The following EQTN variants were observed in gnomAD, a reference collection of about 807,000 sequenced individuals.
EQTN encodes equatorin.
A neutral mutation model predicts 26.9 loss-of-function variants in EQTN; 29 were observed. The ratio of observed to expected loss-of-function variants is 1.08; its 90% CI spans 0.80 to 1.47. EQTN has a LOEUF of 1.47. Among genes scored for constraint, EQTN ranks in the 40% most tolerant of loss-of-function variants. EQTN has a pLI of 0.00. For synonymous variants in EQTN, 129 were observed against 120.0 expected, an observed-to-expected ratio of 1.07 and a Z score of -0.49; for missense variants, 391 against 346.1, an observed-to-expected ratio of 1.13 and a Z score of -1.03.
intron 5 of EQTN, 77 bp downstream of exon 5, chr9:27,290,942 T>A: frequency 7.5e-7 from 1 of 1,327,006 alleles, no homozygotes; most frequent in Non-Finnish European, 1.1e-6. Flanking sequence ...ATTAGAGGTA[T>A]TTAGACTGAT....
Position 27,297,029 on chromosome 9 carries a change from T to C in EQTN, c.27A>G (p.Ile9Met). 6.2e-7 allele frequency: 1 copy of C among 1,610,528 alleles called. No individual in the cohort carries two copies. Among genetic ancestry groups the C allele is most frequent in the Non-Finnish European group, 8.5e-7 (1 of 1,177,470 alleles). The change falls in exon 1 of 8, where the codon ATA becomes ATG. Residue 9 changes from isoleucine to methionine, a missense_variant. Ile to Met is a conservative substitution (Grantham distance 10). Coordinates refer to ENST00000380032, the MANE Select transcript of EQTN (RefSeq NM_020641.3). ...TACTTTTTAAGGAAAAAACTCCAGG[T>C]ATAAAAATAAACAATATAAAATTCA... Reference protein sequence around the residue: MNFILFIFIPGVFSLKSST... With the variant: MNFILFIFMPGVFSLKSST...
In EQTN at chr9:27,291,195, TG is replaced by T. The variant is rs1215580194; in HGVS notation, c.377-133del. On this transcript the variant is annotated intron_variant, in intron 4 of 7. Coordinates refer to ENST00000380032, the MANE Select transcript of EQTN (RefSeq NM_020641.3). ...TTGAGCTCCTATAATGTGTCAGACC[TG>T]TGGTTGGCACTAACTTATAGAAGTA... 1.2e-3 allele frequency: 766 copies of T among 615,148 alleles called. 3 individuals are homozygous for T. In the African/African-American group the frequency reaches 0.027, roughly 21 times the overall value. 38.1% of individuals were successfully genotyped at this position (615,148 alleles called of 1,614,324 possible).
chr9:27,288,986 T>A (rs2131305501), intron 6 of EQTN, among the ~76,000 whole-genome samples: 1 of 152,186 alleles, frequency 6.6e-6, no homozygotes, highest in East Asian at 1.9e-4. Context: ...TAATACAGAG[T>A]GAATCCTGAT....
At position 27,291,074 on chromosome 9, in the gene EQTN, A is replaced by G. The variant is rs1820225787; in HGVS notation, c.377-11T>C. 1.2e-6 allele frequency: 2 copies of G among 1,604,532 alleles called. No homozygotes were observed. The highest frequency in any genetic ancestry group is 1.7e-6 in the Non-Finnish European group (2 of 1,175,764). ...CGTTTGGGGTTGATCCTGTTAAAAC[A>G]AAACAAAACACAACAAGAACAACAA... On this transcript the variant is annotated splice_polypyrimidine_tract_variant and intron_variant, in intron 4 of 7. Coordinates refer to ENST00000380032, the MANE Select transcript of EQTN (RefSeq NM_020641.3).
intron 2 of EQTN, among the ~76,000 whole-genome samples, chr9:27,296,293 G>A (rs1469642883): frequency 6.6e-6 from 1 of 152,204 alleles, no homozygotes; most frequent in Non-Finnish European, 1.5e-5. Context: ...GGGTGACAGA[G>A]CAAGACTCTG....
intron 4 of EQTN, chr9:27,292,148 C>G (rs563936445): frequency 8.5e-6 from 2 of 234,138 alleles, no homozygotes; most frequent in South Asian, 3.5e-4. Context: ...AATATAGACA[C>G]AAATGTAACA....
chr9:27,289,337 G>A lies in EQTN; in HGVS notation c.481+335C>T, dbSNP rs142307350. On this transcript the variant is annotated intron_variant, in intron 6 of 7. Transcript: ENST00000380032. ...GAACAGTGAATGTCCTCTCTGAGAT[G>A]TTAGTCACCTTTCATACGCCAGACT... Among the ~76,000 whole-genome samples, 556 of 152,290 alleles carry A rather than the reference G, an allele frequency of 3.7e-3. 2 individuals are homozygous for A. The highest frequency in any genetic ancestry group is 0.013 in the African/African-American group (539 of 41,554).
rs776336756 is a variant in EQTN, at chr9:27,286,268, G to A, written c.576C>T (p.Leu192=). Reference sequence around the variant, plus strand: ...AGAATGCCAAGAGGACCACAAAGAGGAGGAGGGTCATCAACGAGATTCCCA... The same window carrying A: ...AGAATGCCAAGAGGACCACAAAGAGAAGGAGGGTCATCAACGAGATTCCCA... ...IMLGISLMTL[L]LFVVLLAFCS... The change falls in exon 7 of 8, where the codon CTC becomes CTT. Residue 192 remains leucine, a synonymous_variant. Coordinates refer to ENST00000380032, the MANE Select transcript of EQTN (RefSeq NM_020641.3). 6.8e-6 allele frequency: 11 copies of A among 1,613,666 alleles called. No homozygotes were observed. In the Admixed American group the frequency reaches 8.3e-5, roughly 12 times the overall value.
chr9:27,285,416 A>G (rs1820100653), intron 7 of EQTN, among the ~76,000 whole-genome samples: 1 of 152,260 alleles, frequency 6.6e-6, no homozygotes, highest in Middle Eastern at 3.4e-3. Flanking sequence ...TTCTGGGATT[A>G]CAGGTGTGAG....
intron 2 of EQTN, among the ~76,000 whole-genome samples, chr9:27,296,025 G>T (rs1384111222): frequency 1.3e-5 from 2 of 152,096 alleles, no homozygotes; most frequent in African/African-American, 4.8e-5. Flanking sequence ...GCTTGGCCAG[G>T]TGTGGTGGCT....
chr9:27,284,708 G>C lies in EQTN; in HGVS notation c.*15C>G. On this transcript the variant is annotated 3_prime_UTR_variant, in exon 8 of 8. Transcript: ENST00000380032. ...ATTCATCAATAAGATTTCTTCACCG[G>C]GTTCCTTGATTTCTTCACCGGGTAA... is the stretch of plus-strand genomic sequence containing the variant. The C allele has an allele frequency of 6.2e-7, 1 of 1,602,518 alleles. No homozygotes were observed. Among genetic ancestry groups the C allele is most frequent in the South Asian group, 1.1e-5 (1 of 88,948 alleles).
intron 5 of EQTN, 92 bp from the exon 6 acceptor site, chr9:27,289,823 G>A (rs915851636): frequency 4.3e-6 from 4 of 925,646 alleles, no homozygotes; most frequent in Non-Finnish European, 6.6e-6. Context: ...ATAGTACCCA[G>A]TGTGTGTACA....
At chr9:27,290,692 T>A (rs1820216620) in intron 5 of EQTN, among the ~76,000 whole-genome samples, 1 of 152,262 alleles carries the variant, frequency 6.6e-6, no homozygotes, top group African/African-American at 2.4e-5. Flanking sequence ...TGCATTTATA[T>A]ATGCATCTGT....
chr9:27,290,774 A>G (rs1179282497), intron 5 of EQTN, among the ~76,000 whole-genome samples: 1 of 152,266 alleles, frequency 6.6e-6, no homozygotes, highest in African/African-American at 2.4e-5. Context: ...AAAAATTTTA[A>G]CCATAAATAA....
rs760832540 is a variant in EQTN, at chr9:27,292,420, G to C, written c.357C>G (p.Pro119=). ...TIEEETTTSE[P]SHKNIQRSTP... ...AAATACTTTGAATATTTTTATGAGA[G>C]GGTTCGCTAGTAGTTGTTTCTTCTT... is the stretch of plus-strand genomic sequence containing the variant. The change falls in exon 4 of 8, where the codon CCC becomes CCG. Residue 119 remains proline (P), a synonymous_variant. Transcript: ENST00000380032. The C allele has an allele frequency of 6.2e-7, 1 of 1,604,116 alleles. No homozygotes were observed. Among genetic ancestry groups the C allele is most frequent in the East Asian group, 2.2e-5 (1 of 44,564 alleles).
At chr9:27,294,612 G>A (rs1820301267) in intron 2 of EQTN, 2 of 336,272 alleles carry the variant, frequency 5.9e-6, no homozygotes, top group African/African-American at 4.2e-5. Context: ...GTATCTTTAT[G>A]CCAAATGACC....
chr9:27,293,014 A>T (rs1820268353), intron 3 of EQTN, among the ~76,000 whole-genome samples: 1 of 152,158 alleles, frequency 6.6e-6, no homozygotes, highest in Non-Finnish European at 1.5e-5. Context: ...GTCCCTCTAG[A>T]GGAATGTCAC....
rs746510090 is a variant in EQTN, at chr9:27,292,348, A to G, written c.376+53T>C. On this transcript the variant is annotated intron_variant, in intron 4 of 7. Coordinates refer to ENST00000380032, the MANE Select transcript of EQTN (RefSeq NM_020641.3). ...TCAGAGTAGTGAAACTTAAATTTTTAAGTCACATAATGATATTCTCCAGGT... is the reference window on the plus strand; with the variant it reads ...TCAGAGTAGTGAAACTTAAATTTTTGAGTCACATAATGATATTCTCCAGGT... 5 of 1,234,266 alleles carry G rather than the reference A, an allele frequency of 4.1e-6. No homozygotes were observed. The East Asian group carries it at 1.2e-4, about 30-fold the overall frequency. The allele number at this position is 1,234,266 out of a possible 1,614,324, so 76.5% of individuals were successfully genotyped here. A position where few individuals can be genotyped will look rare whatever the true frequency, so the allele number is the denominator to read the frequency against.
At chr9:27,292,683 T>C (rs1421752527) in intron 3 of EQTN, among the ~76,000 whole-genome samples, 196 bp from the exon 4 acceptor site, 1 of 152,150 alleles carries the variant, frequency 6.6e-6, no homozygotes, top group African/African-American at 2.4e-5. Context: ...GTTTTTGTGA[T>C]CATGGGGTGT....
Sources: gnomAD v4.1 joint callset for allele counts (sites outside exome capture counted in the v4.1 genomes callset) on GRCh38, gnomAD v4.1.1 for gene constraint, MANE v1.5 for transcripts, NCBI Gene and HGNC (gene_info 2026-07-23, HGNC 2026-07-21) for gene names.